Variants in DOCK2 observed in about 807,000 individuals in gnomAD.
DOCK2 encodes the protein dedicator of cytokinesis protein 2.
A neutral mutation model predicts 248.9 loss-of-function variants in DOCK2; 87 were observed. That is an observed-to-expected ratio of 0.35 (90% CI 0.29 to 0.42). The LOEUF (loss-of-function observed/expected upper bound fraction) is 0.42, where lower values mean the gene tolerates loss of function less well. Ranked by LOEUF, DOCK2 falls within the 10% of genes least tolerant of loss-of-function variation. DOCK2 has a pLI of 1.00. For missense variants in DOCK2, 1,747 were observed against 2,300.2 expected, an observed-to-expected ratio of 0.76 and a Z score of 4.92; for synonymous variants, 805 against 821.6, an observed-to-expected ratio of 0.98 and a Z score of 0.35.
intron 25 of DOCK2, among the ~76,000 whole-genome samples, chr5:169,776,403 G>T (rs1765386530): frequency 6.6e-6 from 1 of 151,980 alleles, no homozygotes; most frequent in African/African-American, 2.4e-5. Context: ...AGCCTCAAGT[G>T]ATTCTTCCAC....
At chr5:169,704,893 G>C (rs112288868) in intron 14 of DOCK2, among the ~76,000 whole-genome samples, 1 of 151,964 alleles carries the variant, frequency 6.6e-6, no homozygotes, top group Non-Finnish European at 1.5e-5. Flanking sequence ...TGGGCACAGC[G>C]GCTCACACCT....
chr5:169,978,710 G>A (rs929744112), intron 27 of DOCK2, among the ~76,000 whole-genome samples: 24 of 152,092 alleles, frequency 1.6e-4, no homozygotes, highest in African/African-American at 5.8e-4. Flanking sequence ...CCGAAGGGCT[G>A]AATTAATTAA....
intron 50 of DOCK2, chr5:170,080,700 G>C (rs1186031105): frequency 5.4e-6 from 1 of 186,570 alleles, no homozygotes. Context: ...TCTTATAGCT[G>C]CAAAGTGTTT....
chr5:169,675,785 G>T (rs1256861711), intron 6 of DOCK2, among the ~76,000 whole-genome samples: 7 of 152,178 alleles, frequency 4.6e-5, no homozygotes, highest in African/African-American at 1.7e-4. Flanking sequence ...CAGCAGCCAG[G>T]CCAGGCTTTC....
chr5:169,861,307 A>G (rs1033994769), intron 27 of DOCK2, among the ~76,000 whole-genome samples: 4 of 152,258 alleles, frequency 2.6e-5, no homozygotes, highest in Non-Finnish European at 5.9e-5. Flanking sequence ...CTTAAAACCT[A>G]GAAAAAATAT....
At chr5:169,843,685 A>G (rs1770132012) in intron 27 of DOCK2, among the ~76,000 whole-genome samples, 1 of 152,152 alleles carries the variant, frequency 6.6e-6, no homozygotes, top group African/African-American at 2.4e-5. Context: ...TTACTCTCCA[A>G]AGTTCCATTT....
rs1758088190 is a variant in DOCK2, at chr5:170,082,994, AGG to A, written c.*137_*138del. Reference sequence around the variant, plus strand: ...TTGTCCTTACTTAGAGGAGACAGAGAGGCCAATCAGGTCCCAGAGCTTGAATG... The same window carrying A: ...TTGTCCTTACTTAGAGGAGACAGAGACCAATCAGGTCCCAGAGCTTGAATG... On this transcript the variant is annotated 3_prime_UTR_variant, in exon 52 of 52. Coordinates refer to ENST00000520908, the MANE Select transcript of DOCK2 (RefSeq NM_004946.3). 9.3e-7 allele frequency: 1 copy of A among 1,076,200 alleles called. No homozygotes were observed. Among genetic ancestry groups the A allele is most frequent in the Admixed American group, 2.1e-5 (1 of 47,762 alleles). 66.7% of individuals were successfully genotyped at this position (1,076,200 alleles called of 1,614,324 possible).
chr5:170,080,359 G>T (rs1757986205), intron 50 of DOCK2, 76 bp downstream of exon 50: 1 of 1,589,964 alleles, frequency 6.3e-7, no homozygotes. Context: ...GAGGATGGAT[G>T]GGAACTGTGT....
chr5:169,855,757 C>G (rs368107226), intron 27 of DOCK2, among the ~76,000 whole-genome samples: 1 of 152,278 alleles, frequency 6.6e-6, no homozygotes, highest in African/African-American at 2.4e-5. Flanking sequence ...GAAAGCTGCT[C>G]CTACTCTTGG....
At chr5:169,847,910 CA>C (rs1326526063) in intron 27 of DOCK2, among the ~76,000 whole-genome samples, 1 of 152,118 alleles carries the variant, frequency 6.6e-6, no homozygotes, top group Non-Finnish European at 1.5e-5. Flanking sequence ...TGGCCCAGTC[CA>C]AAAACTCTTG....
chr5:169,703,696 G>A (rs191606463), intron 14 of DOCK2, among the ~76,000 whole-genome samples: 21 of 152,268 alleles, frequency 1.4e-4, no homozygotes, highest in African/African-American at 4.3e-4. Context: ...CAAAATCTAA[G>A]CATTGAACGC....
At chr5:169,663,943 G>T (rs1176800042) in intron 2 of DOCK2, among the ~76,000 whole-genome samples, 3 of 152,170 alleles carry the variant, frequency 2.0e-5, no homozygotes, top group Non-Finnish European at 1.5e-5. Context: ...CAGAAAATGG[G>T]TTTTTCTTTT....
intron 33 of DOCK2, among the ~76,000 whole-genome samples, chr5:170,027,186 G>A (rs1337078366): frequency 2.6e-5 from 4 of 152,006 alleles, no homozygotes; most frequent in Non-Finnish European, 5.9e-5. Context: ...GTCCAATAAA[G>A]CCTCAGATTT....
chr5:169,667,333 C>T (rs1758793708), intron 2 of DOCK2, among the ~76,000 whole-genome samples: 1 of 152,180 alleles, frequency 6.6e-6, no homozygotes, highest in African/African-American at 2.4e-5. Flanking sequence ...TGAGTTTGAA[C>T]TCTGGTTGTA....
chr5:169,773,197 T>A (rs1765191772), intron 25 of DOCK2: 1 of 152,132 alleles, frequency 6.6e-6, no homozygotes, highest in Non-Finnish European at 1.5e-5. Flanking sequence ...AGATCCAGAA[T>A]CAGAGAAGAC....
chr5:170,027,192 G>A (rs184739705), intron 33 of DOCK2, among the ~76,000 whole-genome samples: 1 of 152,230 alleles, frequency 6.6e-6, no homozygotes, highest in Admixed American at 6.5e-5. Context: ...TAAAGCCTCA[G>A]ATTTAGGGTC....
chr5:169,911,382 A>G (rs1009906020), intron 27 of DOCK2, among the ~76,000 whole-genome samples: 1 of 152,160 alleles, frequency 6.6e-6, no homozygotes, highest in Admixed American at 6.5e-5. Context: ...CGTTCACAGG[A>G]CATCAGAGCC....
intron 13 of DOCK2, 50 bp from the exon 14 acceptor site, chr5:169,702,253 C>T: frequency 1.2e-6 from 2 of 1,604,480 alleles, no homozygotes; most frequent in Non-Finnish European, 8.5e-7. Flanking sequence ...GTCAGCGTCT[C>T]TCCTGCTGTA....
At chr5:169,879,142 T>C (rs748210441) in intron 27 of DOCK2, among the ~76,000 whole-genome samples, 33 of 152,172 alleles carry the variant, frequency 2.2e-4, no homozygotes, top group Non-Finnish European at 4.4e-4. Context: ...GCATGGCTAA[T>C]TTAGCAGCAA....
Sources: allele counts gnomAD v4.1 joint callset (sites outside exome capture counted in the v4.1 genomes callset), GRCh38; gene constraint gnomAD v4.1.1; transcripts MANE v1.5; gene names NCBI Gene and HGNC (gene_info 2026-07-23, HGNC 2026-07-21).